The following TNFSF18 variants were observed in gnomAD, a reference collection of about 807,000 sequenced individuals.
TNFSF18 encodes TNF superfamily member 18, also known as tumor necrosis factor ligand superfamily member 18.
TNFSF18 carries 6 observed loss-of-function variants against 9.6 expected under a neutral mutation model. The observed-to-expected ratio is 0.63, with a 90% confidence interval of 0.34 to 1.24. The LOEUF (loss-of-function observed/expected upper bound fraction) is 1.24, where lower values mean the gene tolerates loss of function less well. Among genes scored for constraint, TNFSF18 ranks in the 50% most tolerant of loss-of-function variants. TNFSF18 has a pLI of 0.03. For missense variants in TNFSF18, 210 were observed against 201.0 expected (o/e 1.04, Z -0.27); for synonymous variants, 68 against 71.7 (o/e 0.95, Z 0.26).
intron 1 of TNFSF18, among the ~76,000 whole-genome samples, chr1:173,044,378 T>C (rs1665045253): frequency 6.6e-6 from 1 of 152,154 alleles, no homozygotes; most frequent in Admixed American, 6.6e-5. Context: ...TATTTATGTT[T>C]ATTTTATTTA....
At position 173,050,784 on chromosome 1, in the gene TNFSF18, AG is replaced by A; in HGVS notation, c.112del (p.Leu38PhefsTer7). 1 of 1,612,626 alleles carries A rather than the reference AG, an allele frequency of 6.2e-7. No homozygotes were observed. Among genetic ancestry groups the A allele is most frequent in the South Asian group, 1.1e-5 (1 of 90,660 alleles). On this transcript the variant is annotated frameshift_variant, in exon 1 of 3. Transcript: ENST00000404377. LOFTEE classifies it high-confidence loss of function. ...LFCSIVMLLFLCSFSWLIFIF... is the reference protein window; with the variant it reads ...LFCSIVMLLFXCSFSWLIFIF... ...AAAGATTAGCCAACTGAAGGAGCAA[AG>A]AAATAGCAACATAACTATTGAGCAA...
intron 2 of TNFSF18, among the ~76,000 whole-genome samples, chr1:173,041,976 T>C (rs1197789128): frequency 6.6e-6 from 1 of 152,120 alleles, no homozygotes; most frequent in East Asian, 1.9e-4. Flanking sequence ...CTTAAGTGAC[T>C]TCGCATCTCT....
chr1:173,046,904 G>GTTGTTT (rs199885958), intron 1 of TNFSF18, among the ~76,000 whole-genome samples: 1 of 102,006 alleles, frequency 9.8e-6, no homozygotes, highest in Non-Finnish European at 2.1e-5. Flanking sequence ...TGTTGTTGTT[G>GTTGTTT]TTTTTTGAGA....
intron 1 of TNFSF18, among the ~76,000 whole-genome samples, chr1:173,049,093 G>A (rs146655356): frequency 7.7e-4 from 117 of 152,284 alleles, no homozygotes; most frequent in Middle Eastern, 6.8e-3. Context: ...GGATCTAGGA[G>A]AGAGAAACCA....
At chr1:173,048,185 C>T (rs1665114350) in intron 1 of TNFSF18, among the ~76,000 whole-genome samples, 1 of 152,112 alleles carries the variant, frequency 6.6e-6, no homozygotes, top group Non-Finnish European at 1.5e-5. Context: ...TGGGTCAACA[C>T]TCTCACCTCT....
intron 1 of TNFSF18, among the ~76,000 whole-genome samples, chr1:173,046,655 T>A (rs1194957822): frequency 6.6e-6 from 1 of 152,130 alleles, no homozygotes; most frequent in Non-Finnish European, 1.5e-5. Context: ...TGGTTTTGCA[T>A]TGTGAGAGTT....
In TNFSF18 at chr1:173,040,321, C is replaced by T. The variant is rs1198822996; in HGVS notation, c.*1046G>A. 7 of 152,030 alleles carry T rather than the reference C, an allele frequency of 4.6e-5. No homozygotes were observed. The highest frequency in any genetic ancestry group is 8.8e-5 in the Non-Finnish European group (6 of 68,006). The allele number at this position is 152,030 out of a possible 1,614,324, so 9.4% of individuals were successfully genotyped here. A position where few individuals can be genotyped will look rare whatever the true frequency, so the allele number is the denominator to read the frequency against. ...GAATATGCTTCCTGAAAAGTGAATT[C>T]GCTAAGTTTTAGAGTCTTATAACAC... On this transcript the variant is annotated 3_prime_UTR_variant, in exon 3 of 3. Transcript: ENST00000404377.
chr1:173,046,978 A>C (rs1211849288), intron 1 of TNFSF18, among the ~76,000 whole-genome samples: 1 of 151,744 alleles, frequency 6.6e-6, no homozygotes, highest in Non-Finnish European at 1.5e-5. Context: ...CTACAGCCTC[A>C]TCCTCCTGGA....
intron 1 of TNFSF18, among the ~76,000 whole-genome samples, chr1:173,045,935 A>G (rs1665074235): frequency 6.6e-6 from 1 of 152,152 alleles, no homozygotes; most frequent in Admixed American, 6.6e-5. Flanking sequence ...CCGTACTTCT[A>G]TTTTCTCTTA....
At chr1:173,042,833 C>G (rs1052044572) in intron 2 of TNFSF18, among the ~76,000 whole-genome samples, 2 of 152,084 alleles carry the variant, frequency 1.3e-5, no homozygotes, top group South Asian at 4.2e-4. Flanking sequence ...GAAGAGGTAA[C>G]ATTTTTACTT....
In TNFSF18 at chr1:173,048,724, G is replaced by A. The variant is rs969051744; in HGVS notation, c.156+2017C>T. ...TTTAAAGTAGTGTCTAGACAATCTG[G>A]AAAGTGGGACTTTGTATGTAAAAAC... is the stretch of plus-strand genomic sequence containing the variant. On this transcript the variant is annotated intron_variant, in intron 1 of 2. Coordinates refer to ENST00000404377, the MANE Select transcript of TNFSF18 (RefSeq NM_005092.4). Among the ~76,000 whole-genome samples, 4 of 152,126 alleles carry A rather than the reference G, an allele frequency of 2.6e-5. No individual in the cohort carries two copies. In the East Asian group the frequency reaches 7.7e-4, roughly 29 times the overall value.
Position 173,039,983 on chromosome 1 carries a change from A to C in TNFSF18, c.*1384T>G, listed in dbSNP as rs984684913. Reference sequence around the variant, plus strand: ...ATAGCTTTACATGTAATATTATTTAACATAATGCAGCTTTTCACAAATATC... The same window carrying C: ...ATAGCTTTACATGTAATATTATTTACCATAATGCAGCTTTTCACAAATATC... On this transcript the variant is annotated 3_prime_UTR_variant, in exon 3 of 3. Coordinates refer to ENST00000404377, the MANE Select transcript of TNFSF18 (RefSeq NM_005092.4). 2 of 152,084 alleles carry C rather than the reference A, an allele frequency of 1.3e-5. No individual in the cohort carries two copies. Among genetic ancestry groups the C allele is most frequent in the Admixed American group, 1.3e-4 (2 of 15,244 alleles). The allele number at this position is 152,084 out of a possible 1,614,324, so 9.4% of individuals were successfully genotyped here.
chr1:173,048,516 A>G (rs1253910157), intron 1 of TNFSF18, among the ~76,000 whole-genome samples: 1 of 152,156 alleles, frequency 6.6e-6, no homozygotes, highest in African/African-American at 2.4e-5. Flanking sequence ...TTGATTTCTT[A>G]GTGATAATTC....
intron 1 of TNFSF18, among the ~76,000 whole-genome samples, chr1:173,046,010 G>A (rs1391422716): frequency 6.6e-6 from 1 of 152,158 alleles, no homozygotes; most frequent in East Asian, 1.9e-4. Context: ...TGTTTGAAGA[G>A]AAGCTAAAGG....
chr1:173,041,416 T>A lies in TNFSF18; in HGVS notation c.485A>T (p.Asn162Ile). ...FNSEHQVLKN[N>I]TYWGIILLAN... is the part of the protein sequence containing the mutation. ...TAGTAAAATGATACCCCAGTATGTA[T>A]TATTTTTTAGAACCTGATGCTCAGA... The change falls in exon 3 of 3, where the codon AAT becomes ATT. Residue 162 changes from asparagine (N) to isoleucine (I), a missense_variant. Transcript: ENST00000404377. 1 of 1,613,210 alleles carries A rather than the reference T, an allele frequency of 6.2e-7. No individual in the cohort carries two copies. Among genetic ancestry groups the A allele is most frequent in the Non-Finnish European group, 8.5e-7 (1 of 1,179,484 alleles).
intron 1 of TNFSF18, among the ~76,000 whole-genome samples, chr1:173,048,805 A>G (rs35004256): frequency 1.4e-4 from 22 of 152,200 alleles, no homozygotes; most frequent in Non-Finnish European, 2.6e-4. Flanking sequence ...ACAATGTGGA[A>G]GTGGCCACAT....
intron 1 of TNFSF18, among the ~76,000 whole-genome samples, chr1:173,047,453 T>C (rs1432954329): frequency 6.6e-6 from 1 of 152,234 alleles, no homozygotes; most frequent in African/African-American, 2.4e-5. Flanking sequence ...ATGGTGATTG[T>C]AATGAAGAAT....
Position 173,050,763 on chromosome 1 carries a change from A to AT in TNFSF18, c.133dup (p.Ile45AsnfsTer11). The AT allele has an allele frequency of 6.2e-7, 1 of 1,609,392 alleles. No homozygotes were observed. Among genetic ancestry groups the AT allele is most frequent in the Non-Finnish European group, 8.5e-7 (1 of 1,177,712 alleles). ...TACCTCTAATTGGAGAAAAATAAAG[A>AT]TTAGCCAACTGAAGGAGCAAAGAAA... On this transcript the variant is annotated frameshift_variant, in exon 1 of 3. Coordinates refer to ENST00000404377, the MANE Select transcript of TNFSF18 (RefSeq NM_005092.4). LOFTEE classifies it high-confidence loss of function.
intron 2 of TNFSF18, among the ~76,000 whole-genome samples, 183 bp downstream of exon 2, chr1:173,043,755 CT>C (rs1665029059): frequency 2.0e-5 from 3 of 152,186 alleles, no homozygotes; most frequent in Non-Finnish European, 2.9e-5. Context: ...GCATGGGCTT[CT>C]TTTGCCTGGT....
Sources: allele counts gnomAD v4.1 joint callset (sites outside exome capture counted in the v4.1 genomes callset), GRCh38; gene constraint gnomAD v4.1.1; transcripts MANE v1.5; gene names NCBI Gene and HGNC (gene_info 2026-07-23, HGNC 2026-07-21).